The following SPAG16 variants were observed in gnomAD, a reference collection of about 807,000 sequenced individuals.
The protein encoded by SPAG16 is sperm-associated antigen 16 protein.
A neutral mutation model predicts 80.4 loss-of-function variants in SPAG16; 86 were observed. That is an observed-to-expected ratio of 1.07 (90% CI 0.90 to 1.28). The LOEUF is 1.28. Among genes scored for constraint, SPAG16 ranks in the 50% most tolerant of loss-of-function variants. The pLI is 0.00. For synonymous variants in SPAG16, 294 were observed against 265.9 expected (o/e 1.11, Z -1.03); for missense variants, 870 against 765.3 (o/e 1.14, Z -1.61).
rs560829918 is a variant in SPAG16 at position 213,930,093 on chromosome 2, T to A, written c.1348T>A (p.Phe450Ile). Reference sequence around the variant, plus strand: ...CTGCACATGGCACTCCTGCGGCAATTTTGTGGCTTCCTCCTCACTGGATAA... The same window carrying A: ...CTGCACATGGCACTCCTGCGGCAATATTGTGGCTTCCTCCTCACTGGATAA... ...WSCTWHSCGNFVASSSLDKTS... is the reference protein window; with the variant it reads ...WSCTWHSCGNIVASSSLDKTS... Residue 450 changes from phenylalanine (F) to isoleucine (I), a missense_variant, in exon 12 of 16, where the codon TTT becomes ATT. By Grantham distance (21) the Phe-to-Ile change is conservative. Transcript: ENST00000331683. The A allele has an allele frequency of 5.0e-6, 8 of 1,613,814 alleles. No homozygotes were observed. The highest frequency in any genetic ancestry group is 5.1e-6 in the Non-Finnish European group (6 of 1,179,954).
chr2:214,166,771 T>C (rs1279794275), intron 15 of SPAG16, among the ~76,000 whole-genome samples: 1 of 152,158 alleles, frequency 6.6e-6, no homozygotes, highest in Non-Finnish European at 1.5e-5. Context: ...CTCTGAGAAG[T>C]GTTTTGCCTT....
At chr2:213,758,523 A>G (rs1390607866) in intron 10 of SPAG16, among the ~76,000 whole-genome samples, 1 of 152,154 alleles carries the variant, frequency 6.6e-6, no homozygotes, top group Non-Finnish European at 1.5e-5. Context: ...AGTTAAAAAA[A>G]ATTGGGAGCT....
chr2:214,274,529 C>CT (rs907722758), intron 15 of SPAG16, among the ~76,000 whole-genome samples: 1 of 152,092 alleles, frequency 6.6e-6, no homozygotes, highest in African/African-American at 2.4e-5. Context: ...TGTCAAAGGC[C>CT]TTTTTTCTGC....
At chr2:213,676,861 C>G (rs1378804899) in intron 10 of SPAG16, among the ~76,000 whole-genome samples, 1 of 151,064 alleles carries the variant, frequency 6.6e-6, no homozygotes, top group Non-Finnish European at 1.5e-5. Context: ...GGTTGTGTCT[C>G]TGCCCAGCTT....
intron 13 of SPAG16, among the ~76,000 whole-genome samples, chr2:214,059,228 A>ATGTG (rs1474105453): frequency 1.7e-5 from 2 of 117,720 alleles, no homozygotes; most frequent in African/African-American, 6.7e-5. Context: ...ATGTGTATAT[A>ATGTG]TATATATATA....
intron 12 of SPAG16, among the ~76,000 whole-genome samples, chr2:213,986,357 G>A (rs549463305): frequency 6.6e-6 from 1 of 151,694 alleles, no homozygotes; most frequent in Non-Finnish European, 1.5e-5. Context: ...GTCATGTATT[G>A]TATTTAGTTA....
chr2:213,779,255 C>T (rs1241754729), intron 10 of SPAG16, among the ~76,000 whole-genome samples: 1 of 152,146 alleles, frequency 6.6e-6, no homozygotes, highest in Non-Finnish European at 1.5e-5. Flanking sequence ...GTTTCTTCTA[C>T]ATTAGAATTG....
chr2:213,840,936 C>G (rs1358603730), intron 10 of SPAG16, among the ~76,000 whole-genome samples: 1 of 152,130 alleles, frequency 6.6e-6, no homozygotes, highest in Non-Finnish European at 1.5e-5. Flanking sequence ...TAAAGCCATG[C>G]TGAGGCCTAA....
intron 9 of SPAG16, among the ~76,000 whole-genome samples, chr2:213,433,716 AAT>A (rs2070441579): frequency 6.6e-6 from 1 of 152,094 alleles, no homozygotes; most frequent in African/African-American, 2.4e-5. Flanking sequence ...TCAAAATACC[AAT>A]GTCATTATAA....
chr2:214,198,887 C>G (rs776302421), intron 15 of SPAG16, among the ~76,000 whole-genome samples: 1 of 151,812 alleles, frequency 6.6e-6, no homozygotes, highest in Non-Finnish European at 1.5e-5. Context: ...TGTTTGTTGG[C>G]CATTTGTATA....
At chr2:213,948,294 C>A (rs969108822) in intron 12 of SPAG16, among the ~76,000 whole-genome samples, 11 of 152,050 alleles carry the variant, frequency 7.2e-5, no homozygotes, top group Non-Finnish European at 1.3e-4. Flanking sequence ...TAAACAGACA[C>A]GCAAATGCAT....
intron 10 of SPAG16, among the ~76,000 whole-genome samples, chr2:213,693,857 C>T (rs1323744402): frequency 6.6e-6 from 1 of 152,098 alleles, no homozygotes; most frequent in Admixed American, 6.6e-5. Flanking sequence ...GGCACTGAAA[C>T]TTGGAAACCC....
chr2:214,104,555 A>G (rs2053272593), intron 13 of SPAG16, among the ~76,000 whole-genome samples: 1 of 151,958 alleles, frequency 6.6e-6, no homozygotes, highest in African/African-American at 2.4e-5. Context: ...CTTGTAGTAG[A>G]TAAGGGTTGG....
intron 15 of SPAG16, among the ~76,000 whole-genome samples, chr2:214,157,129 T>C (rs1053873054): frequency 3.9e-5 from 6 of 152,176 alleles, no homozygotes; most frequent in Non-Finnish European, 7.3e-5. Context: ...GATGTCAGAC[T>C]ATGTGGCTCT....
At chr2:213,853,305 AGT>A in intron 10 of SPAG16, among the ~76,000 whole-genome samples, 1 of 152,190 alleles carries the variant, frequency 6.6e-6, no homozygotes, top group Non-Finnish European at 1.5e-5. Context: ...GATAATTAAT[AGT>A]GTTCACCATA....
At chr2:214,199,222 G>A (rs1576477652) in intron 15 of SPAG16, among the ~76,000 whole-genome samples, 2 of 152,160 alleles carry the variant, frequency 1.3e-5, no homozygotes, top group South Asian at 4.2e-4. Flanking sequence ...ACTTCTAGAA[G>A]TTTTATGGTT....
intron 12 of SPAG16, among the ~76,000 whole-genome samples, chr2:214,013,364 G>T (rs1271146500): frequency 6.6e-6 from 1 of 151,994 alleles, no homozygotes; most frequent in Non-Finnish European, 1.5e-5. Context: ...GTTTCTTCTA[G>T]CTGTTTTGTA....
At chr2:213,785,728 G>T (rs898175402) in intron 10 of SPAG16, among the ~76,000 whole-genome samples, 2 of 152,152 alleles carry the variant, frequency 1.3e-5, no homozygotes, top group East Asian at 1.9e-4. Flanking sequence ...TTCTTCAAAA[G>T]AAGTTTAGCC....
chr2:214,354,358 A>C (rs1431735767), intron 15 of SPAG16, among the ~76,000 whole-genome samples: 1 of 152,000 alleles, frequency 6.6e-6, no homozygotes, highest in East Asian at 1.9e-4. Context: ...ATTGATCTAT[A>C]TCTCTGTTTT....
Sources: allele counts gnomAD v4.1 joint callset (sites outside exome capture counted in the v4.1 genomes callset), GRCh38; gene constraint gnomAD v4.1.1; transcripts MANE v1.5; gene names NCBI Gene and HGNC (gene_info 2026-07-23, HGNC 2026-07-21).